The following PDZD4 variants were observed in gnomAD, a reference collection of about 807,000 sequenced individuals.
PDZD4 encodes the protein PDZ domain containing 4.
A neutral mutation model predicts 38.5 loss-of-function variants in PDZD4; 9 were observed. That is an observed-to-expected ratio of 0.23 (90% confidence interval 0.14 to 0.41). The LOEUF is 0.41. Ranked by LOEUF, PDZD4 falls within the 10% of genes least tolerant of loss-of-function variation. PDZD4 has a pLI of 1.00. For synonymous variants in PDZD4, 349 were observed against 315.7 expected, an observed-to-expected ratio of 1.11 and a Z score of -1.12; for missense variants, 612 against 722.0, an observed-to-expected ratio of 0.85 and a Z score of 1.75.
At chrX:153,827,396 A>T (rs891614796) in intron 1 of PDZD4, among the ~76,000 whole-genome samples, 1 of 112,550 alleles carries the variant, frequency 8.9e-6, no homozygotes, top group Admixed American at 9.4e-5. Context: ...AAGAATTAAA[A>T]GCAAGGACTC....
Position 153,803,469 on chromosome X carries a change from G to T in PDZD4, c.2212C>A (p.Arg738=). 1 of 1,159,012 alleles carries T rather than the reference G, an allele frequency of 8.6e-7. No individual in the cohort carries two copies. The highest frequency in any genetic ancestry group is 2.1e-5 in the South Asian group (1 of 48,768). ...ALSHRKTMKK[R]NKKILDNWIT... ...CAGTTGTCCAGGATCTTCTTGTTCC[G>T]CTTCTTCATGGTTTTGCGGTGGCTC... is the stretch of plus-strand genomic sequence containing the variant. The change falls in exon 8 of 8, where the codon CGG becomes AGG. Residue 738 remains arginine, a synonymous_variant. Coordinates refer to ENST00000393758, the MANE Select transcript of PDZD4 (RefSeq NM_001303512.2).
At position 153,808,214 on chromosome X, in the gene PDZD4, G is replaced by T. The variant is rs950988533; in HGVS notation, c.314+128C>A. 9.4e-6 allele frequency: 10 copies of T among 1,069,380 alleles called. No individual in the cohort carries two copies. In the African/African-American group the frequency reaches 1.9e-4, roughly 20 times the overall value. 88.1% of individuals were successfully genotyped at this position (1,069,380 alleles called of 1,213,427 possible). ...AGGCCTGGAGGTTTTGGAGCCCTTG[G>T]GTACCACGGTCAGTTCTGGAGGCCG... is the stretch of plus-strand genomic sequence containing the variant. On this transcript the variant is annotated intron_variant, in intron 2 of 7. Transcript: ENST00000393758.
At chrX:153,807,176 C>T (rs1369298677) in intron 3 of PDZD4, 103 bp downstream of exon 3, 6 of 842,143 alleles carry the variant, frequency 7.1e-6, no homozygotes, top group South Asian at 2.5e-5. Flanking sequence ...CAGCCAGATG[C>T]GTGCCAGGAG....
intron 2 of PDZD4, among the ~76,000 whole-genome samples, chrX:153,807,622 C>T (rs1166537545): frequency 1.1e-5 from 1 of 92,623 alleles, no homozygotes; most frequent in African/African-American, 3.6e-5. Context: ...CTAGCGTTCC[C>T]GTCCCCCAGA....
At chrX:153,829,553 C>A (rs2064519036) in intron 1 of PDZD4, 1 of 210,547 alleles carries the variant, frequency 4.7e-6, no homozygotes, top group Admixed American at 9.0e-5. Context: ...CACGTAGTCA[C>A]GCCACGCACA....
chrX:153,828,908 G>A (rs1050459908), intron 1 of PDZD4, among the ~76,000 whole-genome samples: 21 of 112,052 alleles, frequency 1.9e-4, no homozygotes, highest in Non-Finnish European at 3.2e-4. Context: ...ATCCCGCTAG[G>A]GGGCTGGCAA....
intron 2 of PDZD4, 48 bp from the exon 3 acceptor site, chrX:153,807,417 C>G (rs782299919): frequency 2.7e-6 from 3 of 1,115,696 alleles, no homozygotes; most frequent in Non-Finnish European, 3.6e-6. Context: ...TCCTCTCACA[C>G]CTCAGCCCCA....
intron 1 of PDZD4, among the ~76,000 whole-genome samples, chrX:153,813,868 C>T (rs1400999330): frequency 8.9e-6 from 1 of 111,742 alleles, no homozygotes; most frequent in Non-Finnish European, 1.9e-5. Flanking sequence ...GACAACAAAC[C>T]CCAAGAGGGC....
At position 153,804,282 on chromosome X, in the gene PDZD4, C is replaced by T; in HGVS notation, c.1399G>A (p.Glu467Lys). 8.3e-7 allele frequency: 1 copy of T among 1,208,470 alleles called. No individual in the cohort carries two copies. Among genetic ancestry groups the T allele is most frequent in the Non-Finnish European group, 1.1e-6 (1 of 894,784 alleles). ...CTGGTGCTGTCCTTGTCCGACTTCT[C>T]GGGCAGCTCGGAGATGTCGGACAGC... ...HELSDISELP[E>K]KSDKDSTSAY... Residue 467 changes from glutamate to lysine, a missense_variant, in exon 8 of 8, where the codon GAG (glutamate) becomes AAG (lysine). By Grantham distance (56) the Glu-to-Lys change is moderately conservative. This residue lies in a region of PDZD4 where 300 missense variants were observed against 284.6 expected (regional missense o/e 1.05). Transcript: ENST00000393758.
At chrX:153,824,325 C>G (rs2064457904) in intron 1 of PDZD4, among the ~76,000 whole-genome samples, 1 of 111,575 alleles carries the variant, frequency 9.0e-6, no homozygotes, top group Admixed American at 9.5e-5. Flanking sequence ...GTCCAGCCCT[C>G]TGTTCTTCCA....
In PDZD4 at chrX:153,804,038, G is replaced by A. The variant is rs910238926; in HGVS notation, c.1643C>T (p.Ala548Val). The A allele has an allele frequency of 1.7e-6, 2 of 1,158,825 alleles. No individual in the cohort carries two copies. Among genetic ancestry groups the A allele is most frequent in the South Asian group, 3.8e-5 (2 of 52,189 alleles). ...GGGGTTGCGGCGGCCGCGCTCCTCC[G>A]CGTGCTGCCTCCGGCCGGCCTCAGG... ...RDPEAGRRQH[A>V]EERGRRNPKT... Residue 548 changes from alanine (A) to valine (V), a missense_variant, in exon 8 of 8, where the codon GCG becomes GTG. Ala to Val is a moderately conservative substitution (Grantham distance 64, BLOSUM62 0). Coordinates refer to ENST00000393758, the MANE Select transcript of PDZD4 (RefSeq NM_001303512.2).
chrX:153,816,198 T>C (rs1040036659), intron 1 of PDZD4, among the ~76,000 whole-genome samples: 2 of 103,157 alleles, frequency 1.9e-5, no homozygotes, highest in African/African-American at 7.0e-5. Flanking sequence ...CTCCCAGGCC[T>C]GTCGGGGGCT....
At chrX:153,815,964 T>A (rs1417700854) in intron 1 of PDZD4, among the ~76,000 whole-genome samples, 3 of 98,872 alleles carry the variant, frequency 3.0e-5, no homozygotes, top group Non-Finnish European at 6.1e-5. Flanking sequence ...ACCCAGCATC[T>A]GAGCAGAAGA....
intron 2 of PDZD4, chrX:153,808,103 G>T: frequency 9.4e-7 from 1 of 1,067,317 alleles, no homozygotes; most frequent in Non-Finnish European, 1.2e-6. Flanking sequence ...GGCACTTCCG[G>T]CAGCGACGTC....
chrX:153,811,974 A>G (rs7053001), intron 1 of PDZD4, among the ~76,000 whole-genome samples: 1 of 111,860 alleles, frequency 8.9e-6, no homozygotes, highest in South Asian at 3.7e-4. Context: ...TGGTATTTTA[A>G]CCGTAGAAAT....
chrX:153,803,616 G>C lies in PDZD4; in HGVS notation c.2065C>G (p.Gln689Glu). ...GRYWSKEERK[Q>E]HLIRAREQRK... ...TGCTCACGGGCCCGGATCAGGTGCT[G>C]CTTCCGCTCCTCCTTGCTCCAGTAG... The change falls in exon 8 of 8, where the codon CAG (glutamine) becomes GAG (glutamate). Residue 689 changes from glutamine to glutamate, a missense_variant. This residue lies in a region of PDZD4 where 87 missense variants were observed against 126.3 expected (regional missense o/e 0.69). Transcript: ENST00000393758. 8.3e-7 allele frequency: 1 copy of C among 1,210,268 alleles called. No homozygotes were observed. The highest frequency in any genetic ancestry group is 1.1e-6 in the Non-Finnish European group (1 of 895,567).
chrX:153,811,543 A>G (rs2064310350), intron 1 of PDZD4, among the ~76,000 whole-genome samples: 1 of 112,430 alleles, frequency 8.9e-6, no homozygotes, highest in Non-Finnish European at 1.9e-5. Flanking sequence ...CATGTTCATC[A>G]TCACATCAGT....
intron 1 of PDZD4, 123 bp downstream of exon 1, chrX:153,830,116 C>T (rs2064526585): frequency 1.8e-5 from 12 of 655,264 alleles, no homozygotes; most frequent in Non-Finnish European, 2.6e-5. Flanking sequence ...AGGGTGCGGA[C>T]GGCTCCCTAC....
intron 1 of PDZD4, among the ~76,000 whole-genome samples, chrX:153,817,567 G>C (rs1557080272): frequency 8.9e-6 from 1 of 112,120 alleles, no homozygotes; most frequent in African/African-American, 3.2e-5. Flanking sequence ...CACTGCTGAG[G>C]GATATGAGGT....
Sources: gnomAD v4.1 joint callset for allele counts (sites outside exome capture counted in the v4.1 genomes callset) on GRCh38, gnomAD v4.1.1 for gene constraint, gnomAD v4.1.1 regional missense constraint, MANE v1.5 for transcripts, NCBI Gene and HGNC (gene_info 2026-07-23, HGNC 2026-07-21) for gene names.